The following RYR2 variants were observed in gnomAD, a reference collection of about 807,000 sequenced individuals.
RYR2 encodes cardiac muscle ryanodine receptor-calcium release channel.
A neutral mutation model predicts 601.1 loss-of-function variants in RYR2; 227 were observed. That is an observed-to-expected ratio of 0.38 (90% confidence interval 0.34 to 0.42). The LOEUF (loss-of-function observed/expected upper bound fraction) is 0.42, where lower values mean the gene tolerates loss of function less well. RYR2 is among the 10% of genes least tolerant of loss of function. The pLI, the probability that RYR2 is intolerant of heterozygous loss-of-function variation, is 1.00. For synonymous variants in RYR2, 2,223 were observed against 2,175.1 expected (o/e 1.02, Z -0.61); for missense variants, 4,646 against 6,156.5 (o/e 0.75, Z 8.21).
Position 237,832,698 on chromosome 1 carries a change from T to A in RYR2, c.*51T>A, listed in dbSNP as rs1261014318. ...CCAAAACCCTACCCCTCTCTCTCCC[T>A]CTCTCAATTTCTCTGCTCTCTTGGA... is the stretch of plus-strand genomic sequence containing the variant. On this transcript the variant is annotated 3_prime_UTR_variant, in exon 105 of 105. Transcript: ENST00000366574. 1 of 980,640 alleles carries A rather than the reference T, an allele frequency of 1.0e-6. No individual in the cohort carries two copies. Among genetic ancestry groups the A allele is most frequent in the Non-Finnish European group, 1.6e-6 (1 of 627,188 alleles). The allele number at this position is 980,640 out of a possible 1,614,324, so 60.7% of individuals were successfully genotyped here.
intron 36 of RYR2, among the ~76,000 whole-genome samples, chr1:237,613,707 T>G (rs998224553): frequency 6.6e-6 from 1 of 152,114 alleles, no homozygotes; most frequent in African/African-American, 2.4e-5. Flanking sequence ...GTGTCCCAAA[T>G]CCAAAAATCT....
At position 237,698,754 on chromosome 1, in the gene RYR2, T is replaced by A. The variant is rs541858019; in HGVS notation, c.9068-211T>A. 2.0e-5 allele frequency among the ~76,000 whole-genome samples: 3 copies of A among 152,306 alleles called. No individual in the cohort carries two copies. In the East Asian group the frequency reaches 5.8e-4, roughly 29 times the overall value. ...ATGCTTCTTGGGCATGTCAGCTATT[T>A]GATGAGACATGCTTTATTGCTTTTC... On this transcript the variant is annotated intron_variant, in intron 63 of 104. Coordinates refer to ENST00000366574, the MANE Select transcript of RYR2 (RefSeq NM_001035.3).
At chr1:237,718,418 A>T in intron 72 of RYR2, 44 bp from the exon 73 acceptor site, 1 of 978,016 alleles carries the variant, frequency 1.0e-6, no homozygotes, top group Admixed American at 1.8e-5. Flanking sequence ...GTGACAGTTG[A>T]TGCAATAGAA....
Position 237,649,929 on chromosome 1 carries a change from C to G in RYR2, c.7565C>G (p.Thr2522Arg). 1 of 1,613,988 alleles carries G rather than the reference C, an allele frequency of 6.2e-7. No homozygotes were observed. Among genetic ancestry groups the G allele is most frequent in the Middle Eastern group, 1.7e-4 (1 of 6,056 alleles). ...MALALNRYLC[T>R]AVLPLLTRCA... ...TTGGCCCTCAATCGGTACCTTTGCA[C>G]AGCCGTCTTGCCATTGTTAACAAGA... is the stretch of plus-strand genomic sequence containing the variant. Residue 2522 changes from threonine (T) to arginine (R), a missense_variant, in exon 50 of 105, where the codon ACA (threonine) becomes AGA (arginine). This residue lies in a region of RYR2 where 1,497 missense variants were observed against 1,842.6 expected (regional missense o/e 0.81). Coordinates refer to ENST00000366574, the MANE Select transcript of RYR2 (RefSeq NM_001035.3).
At chr1:237,103,149 C>A (rs527807845) in intron 1 of RYR2, among the ~76,000 whole-genome samples, 1 of 152,268 alleles carries the variant, frequency 6.6e-6, no homozygotes, top group South Asian at 2.1e-4. Context: ...CCAGTAGGAG[C>A]TCTGAGGCCA....
chr1:237,612,907 A>G (rs1027269237), intron 36 of RYR2, among the ~76,000 whole-genome samples: 20 of 152,364 alleles, frequency 1.3e-4, no homozygotes, highest in Admixed American at 6.5e-4. Flanking sequence ...GCAGTTTTCC[A>G]AATGATATGG....
Position 237,417,052 on chromosome 1 carries a change from T to C in RYR2, c.777T>C (p.Thr259=), listed in dbSNP as rs766509394. 6.2e-7 allele frequency: 1 copy of C among 1,613,786 alleles called. No homozygotes were observed. The highest frequency in any genetic ancestry group is 8.5e-7 in the Non-Finnish European group (1 of 1,179,694). ...SGEHGEEQRR[T]VHYEGGAVSV... ...TTTTGTTTGTTTGTTGAAACAGAAC[T>C]GTTCATTATGAAGGTGGCGCTGTGT... Residue 259 remains threonine, a synonymous_variant, in exon 11 of 105, where the codon ACT becomes ACC. Coordinates refer to ENST00000366574, the MANE Select transcript of RYR2 (RefSeq NM_001035.3).
At chr1:237,718,699 T>G (rs1382130697) in intron 73 of RYR2, among the ~76,000 whole-genome samples, 178 bp downstream of exon 73, 1 of 152,234 alleles carries the variant, frequency 6.6e-6, no homozygotes, top group Non-Finnish European at 1.5e-5. Context: ...ATAAATGATA[T>G]ATTTTTAAAG....
chr1:237,139,203 G>A (rs551849587), intron 1 of RYR2, among the ~76,000 whole-genome samples: 1 of 152,142 alleles, frequency 6.6e-6, no homozygotes, highest in Non-Finnish European at 1.5e-5. Flanking sequence ...TCATAAAAGG[G>A]AAAGGAATAC....
At chr1:237,208,950 A>ATGTG (rs1345306237) in intron 1 of RYR2, among the ~76,000 whole-genome samples, 7 of 57,460 alleles carry the variant, frequency 1.2e-4, no homozygotes, top group East Asian at 1.1e-3. Context: ...ATATATATAT[A>ATGTG]TATATATATA....
At position 237,806,289 on chromosome 1, in the gene RYR2, C is replaced by T. The variant is rs770788212; in HGVS notation, c.14298+6C>T. On this transcript the variant is annotated splice_donor_region_variant and intron_variant, in intron 99 of 104. Coordinates refer to ENST00000366574, the MANE Select transcript of RYR2 (RefSeq NM_001035.3). Reference sequence around the variant, plus strand: ...TAACTCACAATGGCAAACAGGTAAACAGTTTATCTTTTTCCTCCCTTGCAG... The same window carrying T: ...TAACTCACAATGGCAAACAGGTAAATAGTTTATCTTTTTCCTCCCTTGCAG... The T allele has an allele frequency of 6.2e-7, 1 of 1,606,516 alleles. No individual in the cohort carries two copies. The highest frequency in any genetic ancestry group is 1.1e-5 in the South Asian group (1 of 89,456).
intron 27 of RYR2, among the ~76,000 whole-genome samples, chr1:237,565,151 TTCTTTCTC>T (rs772235191): frequency 0.039 from 4,097 of 103,950 alleles, 299 homozygotes; most frequent in East Asian, 0.097. Context: ...TTTTCTTTCT[TTCTTTCTC>T]TTTCTTTCTT....
chr1:237,757,201 G>A (rs189330616), intron 81 of RYR2, among the ~76,000 whole-genome samples: 44 of 152,080 alleles, frequency 2.9e-4, no homozygotes, highest in African/African-American at 9.6e-4. Flanking sequence ...GTTATTATCC[G>A]AATTACTTAA....
intron 80 of RYR2, among the ~76,000 whole-genome samples, chr1:237,745,621 C>T (rs200141176): frequency 5.3e-5 from 8 of 152,072 alleles, no homozygotes; most frequent in East Asian, 1.9e-4. Flanking sequence ...GTCCGAAAGA[C>T]GACAAGTGAT....
chr1:237,604,891 A>G (rs1460407763), intron 35 of RYR2, among the ~76,000 whole-genome samples: 2 of 152,186 alleles, frequency 1.3e-5, no homozygotes, highest in East Asian at 1.9e-4. Context: ...GAATCCCTGA[A>G]TAGACCAATA....
intron 68 of RYR2, among the ~76,000 whole-genome samples, chr1:237,708,346 A>T (rs1688553344): frequency 6.6e-6 from 1 of 152,182 alleles, no homozygotes. Context: ...GAAAAAAGTC[A>T]TTTTAAAAAT....
At chr1:237,235,665 G>A (rs1345645458) in intron 1 of RYR2, among the ~76,000 whole-genome samples, 10 of 152,190 alleles carry the variant, frequency 6.6e-5, no homozygotes. Context: ...CAGCAGATGT[G>A]AGGAAAACAA....
At chr1:237,823,167 T>C (rs1415790575) in intron 101 of RYR2, among the ~76,000 whole-genome samples, 1 of 152,222 alleles carries the variant, frequency 6.6e-6, no homozygotes, top group Non-Finnish European at 1.5e-5. Context: ...AACTCAGCTC[T>C]GGACCAAGCA....
intron 90 of RYR2, 32 bp downstream of exon 90, chr1:237,785,004 C>G (rs769526050): frequency 1.3e-5 from 19 of 1,434,978 alleles, no homozygotes; most frequent in Non-Finnish European, 1.7e-5. Flanking sequence ...GCAGCATTCT[C>G]TCTGGACTTC....
Sources: allele counts gnomAD v4.1 joint callset (sites outside exome capture counted in the v4.1 genomes callset), GRCh38; gene constraint gnomAD v4.1.1; regional missense constraint gnomAD v4.1.1; transcripts MANE v1.5; gene names NCBI Gene and HGNC (gene_info 2026-07-23, HGNC 2026-07-21).